The following FMN2 variants were observed in gnomAD, a reference collection of about 807,000 sequenced individuals.
FMN2 encodes formin-2.
Under a neutral mutation model 142.3 loss-of-function variants are expected in FMN2, and 51 were observed. That is an observed-to-expected ratio of 0.36 (90% CI 0.29 to 0.45). The LOEUF (loss-of-function observed/expected upper bound fraction) is 0.45. Among genes scored for constraint, FMN2 ranks in the 20% least tolerant of loss-of-function variants. FMN2 has a pLI of 1.00. For missense variants in FMN2, 1,936 were observed against 2,122.8 expected (o/e 0.91, Z 1.73); for synonymous variants, 882 against 869.8 (o/e 1.01, Z -0.25).
intron 6 of FMN2, among the ~76,000 whole-genome samples, chr1:240,241,862 A>G (rs1246718942): frequency 9.4e-6 from 1 of 106,400 alleles, no homozygotes; most frequent in Non-Finnish European, 1.7e-5. Context: ...TTTGAGACGG[A>G]GTCTCGCTCT....
chr1:240,461,788 TA>T (rs1249150364), intron 16 of FMN2, among the ~76,000 whole-genome samples: 2 of 152,128 alleles, frequency 1.3e-5, no homozygotes, highest in Non-Finnish European at 2.9e-5. Flanking sequence ...TGCTCATCTC[TA>T]AAATAGGATG....
chr1:240,202,848 G>A (rs1206461662), intron 4 of FMN2, among the ~76,000 whole-genome samples: 1 of 152,092 alleles, frequency 6.6e-6, no homozygotes, highest in Non-Finnish European at 1.5e-5. Context: ...TCAAATTTAT[G>A]ATGAAACAGA....
chr1:240,156,873 A>T (rs1664047280), intron 2 of FMN2, among the ~76,000 whole-genome samples: 1 of 152,208 alleles, frequency 6.6e-6, no homozygotes, highest in Non-Finnish European at 1.5e-5. Flanking sequence ...TATAATATAC[A>T]GGAAAGACAA....
At chr1:240,352,083 T>G (rs1572220328) in intron 13 of FMN2, among the ~76,000 whole-genome samples, 1 of 152,224 alleles carries the variant, frequency 6.6e-6, no homozygotes, top group Admixed American at 6.5e-5. Context: ...AGATTAGATT[T>G]TTTTTTCCCT....
At chr1:240,180,276 G>A (rs1255790678) in intron 3 of FMN2, 1 of 773,890 alleles carries the variant, frequency 1.3e-6, no homozygotes, top group Non-Finnish European at 1.8e-6. Flanking sequence ...GATCTAATGG[G>A]TCTTTCTAAA....
chr1:240,239,753 C>A (rs527602688), intron 6 of FMN2, among the ~76,000 whole-genome samples: 1 of 152,188 alleles, frequency 6.6e-6, no homozygotes, highest in Admixed American at 6.5e-5. Context: ...TGAAGCAAAA[C>A]GCCTGAATAC....
intron 7 of FMN2, among the ~76,000 whole-genome samples, chr1:240,290,211 C>T (rs1572159219): frequency 1.3e-5 from 2 of 152,056 alleles, no homozygotes; most frequent in East Asian, 3.9e-4. Context: ...TCTGTTTGGA[C>T]ATTTTGAGAC....
At chr1:240,136,802 G>A (rs771038368) in intron 2 of FMN2, among the ~76,000 whole-genome samples, 12 of 152,090 alleles carry the variant, frequency 7.9e-5, no homozygotes, top group Non-Finnish European at 1.2e-4. Flanking sequence ...GCCTGGTGCG[G>A]TGGCTCACAC....
intron 6 of FMN2, among the ~76,000 whole-genome samples, chr1:240,215,731 T>C (rs892867546): frequency 7.3e-4 from 111 of 152,244 alleles, no homozygotes; most frequent in African/African-American, 2.6e-3. Flanking sequence ...TTTTTTTAAA[T>C]GGAGTCTCAC....
intron 4 of FMN2, among the ~76,000 whole-genome samples, chr1:240,196,242 A>G (rs1665905124): frequency 6.6e-6 from 1 of 152,162 alleles, no homozygotes; most frequent in South Asian, 2.1e-4. Flanking sequence ...GAAGAGGGAG[A>G]GTGGAGCCAG....
At chr1:240,337,229 A>T (rs1572207549) in intron 13 of FMN2, among the ~76,000 whole-genome samples, 1 of 79,416 alleles carries the variant, frequency 1.3e-5, no homozygotes, top group Non-Finnish European at 2.4e-5. Context: ...TTTTTTTTTT[A>T]AGACAGTCTT....
At chr1:240,465,523 A>G (rs1180124183) in intron 16 of FMN2, among the ~76,000 whole-genome samples, 2 of 151,934 alleles carry the variant, frequency 1.3e-5, no homozygotes, top group Non-Finnish European at 2.9e-5. Context: ...CTTTTTGTTT[A>G]CTGTTAGCAG....
chr1:240,359,393 C>A (rs1444128004), intron 14 of FMN2, among the ~76,000 whole-genome samples: 1 of 152,062 alleles, frequency 6.6e-6, no homozygotes, highest in African/African-American at 2.4e-5. Context: ...TGTGCCTCAT[C>A]CTCAAAATAT....
At chr1:240,162,261 C>T (rs1255409152) in intron 2 of FMN2, among the ~76,000 whole-genome samples, 3 of 151,964 alleles carry the variant, frequency 2.0e-5, no homozygotes, top group Non-Finnish European at 4.4e-5. Context: ...GTCAGGAGTT[C>T]GAGACCAGCC....
At chr1:240,430,962 A>G (rs1675150760) in intron 15 of FMN2, among the ~76,000 whole-genome samples, 1 of 150,972 alleles carries the variant, frequency 6.6e-6, no homozygotes, top group Non-Finnish European at 1.5e-5. Context: ...TAAATTTTAG[A>G]ATCAGCATAT....
intron 6 of FMN2, among the ~76,000 whole-genome samples, chr1:240,254,922 T>C (rs968763281): frequency 2.6e-5 from 4 of 152,106 alleles, no homozygotes; most frequent in African/African-American, 9.7e-5. Flanking sequence ...CTGTAACTGC[T>C]TGTGACACAG....
At chr1:240,350,969 A>G (rs1004139051) in intron 13 of FMN2, among the ~76,000 whole-genome samples, 2 of 152,234 alleles carry the variant, frequency 1.3e-5, no homozygotes, top group African/African-American at 4.8e-5. Context: ...TATTCATTCC[A>G]CAAAGAACTG....
At chr1:240,141,677 T>C (rs1206482922) in intron 2 of FMN2, among the ~76,000 whole-genome samples, 1 of 152,178 alleles carries the variant, frequency 6.6e-6, no homozygotes, top group African/African-American at 2.4e-5. Context: ...GCCATATACT[T>C]TAAACATCAT....
chr1:240,469,550 C>T (rs772458701), intron 16 of FMN2, among the ~76,000 whole-genome samples: 1 of 152,172 alleles, frequency 6.6e-6, no homozygotes, highest in African/African-American at 2.4e-5. Context: ...GTTCTTGAAG[C>T]TCAGTTTGCT....
Sources: allele counts gnomAD v4.1 joint callset (sites outside exome capture counted in the v4.1 genomes callset), GRCh38; gene constraint gnomAD v4.1.1; transcripts MANE v1.5; gene names NCBI Gene and HGNC (gene_info 2026-07-23, HGNC 2026-07-21).